Variants in TCF3 observed in about 807,000 individuals in gnomAD.
TCF3 encodes transcription factor E2-alpha.
A neutral mutation model predicts 72.3 loss-of-function variants in TCF3; 54 were observed. That is an observed-to-expected ratio of 0.75 (90% confidence interval 0.60 to 0.94). The LOEUF (loss-of-function observed/expected upper bound fraction) is 0.94, where lower values mean the gene tolerates loss of function less well. TCF3 is among the 40% of genes least tolerant of loss of function. The probability of loss-of-function intolerance (pLI) is 0.00; values close to 1 mark genes in which losing one functional copy is unlikely to be tolerated. For synonymous variants in TCF3, 525 were observed against 412.6 expected, an observed-to-expected ratio of 1.27 and a Z score of -3.30; for missense variants, 1,078 against 934.4, an observed-to-expected ratio of 1.15 and a Z score of -2.00.
At position 1,611,387 on chromosome 19, in the gene TCF3, G is replaced by C; in HGVS notation, c.*320C>G. On this transcript the variant is annotated 3_prime_UTR_variant, in exon 19 of 19. Transcript: ENST00000262965. ...TTTGTTTACTGGAAAAAAAAAAAAT[G>C]CTCCTGTCAGCCCAGGCAACAGGGC... 1 of 398,248 alleles carries C rather than the reference G, an allele frequency of 2.5e-6. No homozygotes were observed. 24.7% of individuals were successfully genotyped at this position (398,248 alleles called of 1,614,324 possible). A position where few individuals can be genotyped will look rare whatever the true frequency, so the allele number is the denominator to read the frequency against.
chr19:1,640,269 C>T (rs1332164033), intron 3 of TCF3, among the ~76,000 whole-genome samples: 1 of 152,148 alleles, frequency 6.6e-6, no homozygotes, highest in Non-Finnish European at 1.5e-5. Context: ...GGCTCGGTGG[C>T]TCATGCCTGT....
At chr19:1,648,964 G>A (rs995481789) in intron 2 of TCF3, among the ~76,000 whole-genome samples, 6 of 152,170 alleles carry the variant, frequency 3.9e-5, no homozygotes, top group East Asian at 1.9e-4. Flanking sequence ...TACAGCACCC[G>A]TCAGCGGCCG....
At chr19:1,620,884 G>T (rs190947326) in intron 13 of TCF3, 84 bp downstream of exon 13, 4 of 1,249,162 alleles carry the variant, frequency 3.2e-6, no homozygotes, top group African/African-American at 1.6e-5. Context: ...CCCCTCCCCC[G>T]CAAAGCCTTC....
chr19:1,611,592 C>A lies in TCF3; in HGVS notation c.*115G>T. ...TTGTCAGGTTGGTGTTGGCTCGATG[C>A]TGACAACAGGTGTGTGAGGTGTGGA... is the stretch of plus-strand genomic sequence containing the variant. On this transcript the variant is annotated 3_prime_UTR_variant, in exon 19 of 19. Transcript: ENST00000262965. The A allele has an allele frequency of 7.1e-7, 1 of 1,407,028 alleles. No homozygotes were observed. The highest frequency in any genetic ancestry group is 1.4e-5 in the South Asian group (1 of 70,154). The allele number at this position is 1,407,028 out of a possible 1,614,324, so 87.2% of individuals were successfully genotyped here.
intron 3 of TCF3, among the ~76,000 whole-genome samples, chr19:1,635,615 C>T (rs1412795451): frequency 6.6e-6 from 1 of 152,154 alleles, no homozygotes; most frequent in African/African-American, 2.4e-5. Context: ...TCATTTTACT[C>T]ATAAATAACT....
intron 3 of TCF3, among the ~76,000 whole-genome samples, chr19:1,638,637 C>CGATTTCACTT (rs1176523630): frequency 1.3e-5 from 2 of 152,164 alleles, no homozygotes; most frequent in African/African-American, 4.8e-5. Context: ...GGGGCAGATG[C>CGATTTCACTT]GATTTCACTT....
At chr19:1,646,480 A>G (rs909878656) in intron 2 of TCF3, 53 bp from the exon 3 acceptor site, 2 of 1,507,454 alleles carry the variant, frequency 1.3e-6, no homozygotes, top group African/African-American at 1.4e-5. Flanking sequence ...ACCAAACCCT[A>G]CAGTCCCGGG....
chr19:1,634,586 A>G (rs2145052984), intron 3 of TCF3, among the ~76,000 whole-genome samples: 1 of 152,344 alleles, frequency 6.6e-6, no homozygotes, highest in Admixed American at 6.5e-5. Context: ...GGCCATCCGT[A>G]GCCAAGGAAT....
At chr19:1,624,878 C>T (rs1053825163) in intron 7 of TCF3, among the ~76,000 whole-genome samples, 2 of 152,178 alleles carry the variant, frequency 1.3e-5, no homozygotes, top group Non-Finnish European at 2.9e-5. Context: ...CAGGGTCTTG[C>T]GCTGTTGCTC....
chr19:1,640,156 G>A (rs1337676811), intron 3 of TCF3, among the ~76,000 whole-genome samples: 3 of 152,012 alleles, frequency 2.0e-5, no homozygotes, highest in South Asian at 2.1e-4. Flanking sequence ...TCAAAGAGCC[G>A]AACGGGGCCA....
rs1211354037 is a variant in TCF3 at position 1,621,968 on chromosome 19, G to A, written c.825C>T (p.Gly275=). 1 of 1,605,210 alleles carries A rather than the reference G, an allele frequency of 6.2e-7. No homozygotes were observed. Among genetic ancestry groups the A allele is most frequent in the Non-Finnish European group, 8.5e-7 (1 of 1,176,250 alleles). The change falls in exon 11 of 19, where the codon GGC becomes GGT. Residue 275 remains glycine (G), a splice_region_variant and synonymous_variant. Transcript: ENST00000262965. ...FGGLHQHERM[G]YQLHGAEVNG... is the part of the protein sequence containing the mutation. ...TCACCTCTGCTCCATGCAGCTGGTA[G>A]CCCTGGGGGGTCAGGCAGGAGGAGG...
intron 8 of TCF3, among the ~76,000 whole-genome samples, chr19:1,622,868 G>A (rs553973056): frequency 1.3e-5 from 2 of 152,282 alleles, no homozygotes; most frequent in Admixed American, 6.5e-5. Context: ...AGGAAGAGGG[G>A]TCTGTGAGTA....
intron 4 of TCF3, 61 bp downstream of exon 4, chr19:1,632,271 C>A: frequency 3.2e-6 from 5 of 1,550,456 alleles, no homozygotes; most frequent in Non-Finnish European, 4.4e-6. Flanking sequence ...TTCCCCACAC[C>A]CCTCGCCCCC....
chr19:1,611,930 CGGG>C (rs529618842), intron 18 of TCF3, 81 bp from the exon 19 acceptor site: 4 of 173,870 alleles, frequency 2.3e-5, no homozygotes, highest in Admixed American at 1.4e-4. Flanking sequence ...GGTAGGATGT[CGGG>C]GGGGGGGGTG....
chr19:1,645,055 G>C (rs1241680373), intron 3 of TCF3, among the ~76,000 whole-genome samples: 1 of 152,108 alleles, frequency 6.6e-6, no homozygotes, highest in Non-Finnish European at 1.5e-5. Flanking sequence ...CTCACGTAGA[G>C]GGGAAGGCCA....
At position 1,632,343 on chromosome 19, in the gene TCF3, C is replaced by T. The variant is rs2063811058; in HGVS notation, c.208G>A (p.Asp70Asn). 1 of 1,588,748 alleles carries T rather than the reference C, an allele frequency of 6.3e-7. No individual in the cohort carries two copies. Among genetic ancestry groups the T allele is most frequent in the Non-Finnish European group, 8.6e-7 (1 of 1,167,764 alleles). ...GSGDQSSSSFDPSRTFSEGTH... is the reference protein window; with the variant it reads ...GSGDQSSSSFNPSRTFSEGTH... ...ACGGGGACTCCTACCCGGCTGGGGT[C>T]AAAGGAGGAGCTGCTCTGGTCGCCG... The change falls in exon 4 of 19, where the codon GAC (aspartate) becomes AAC (asparagine). Residue 70 changes from aspartate (D) to asparagine (N), a missense_variant. Asp to Asn is a conservative substitution (Grantham distance 23, BLOSUM62 1). Coordinates refer to ENST00000262965, the MANE Select transcript of TCF3 (RefSeq NM_003200.5).
At chr19:1,652,056 G>A (rs2067191669) in intron 1 of TCF3, among the ~76,000 whole-genome samples, 1 of 150,290 alleles carries the variant, frequency 6.7e-6, no homozygotes, top group Non-Finnish European at 1.5e-5. Context: ...GTTTCCCGAA[G>A]TGCCCGGCCC....
Position 1,627,400 on chromosome 19 carries a change from C to T in TCF3, c.325G>A (p.Ala109Thr), listed in dbSNP as rs538284851. The T allele has an allele frequency of 1.2e-6, 2 of 1,612,050 alleles. No homozygotes were observed. Among genetic ancestry groups the T allele is most frequent in the Admixed American group, 3.3e-5 (2 of 59,968 alleles). The change falls in exon 6 of 19, where the codon GCC becomes ACC. Residue 109 changes from alanine (A) to threonine (T), a missense_variant. Ala to Thr is a moderately conservative substitution (Grantham distance 58). Coordinates refer to ENST00000262965, the MANE Select transcript of TCF3 (RefSeq NM_003200.5). ...GGKSGERGAY[A>T]SFGRDAGVGG... ...ACGCCTGCGTCTCTCCCGAAGGAGGCATAGGCGCCCCGCTCACCGCTCTTG... is the reference window on the plus strand; with the variant it reads ...ACGCCTGCGTCTCTCCCGAAGGAGGTATAGGCGCCCCGCTCACCGCTCTTG...
intron 13 of TCF3, among the ~76,000 whole-genome samples, 154 bp downstream of exon 13, chr19:1,620,814 C>T (rs1162125725): frequency 1.3e-5 from 2 of 152,170 alleles, no homozygotes; most frequent in East Asian, 1.9e-4. Flanking sequence ...CCTTGGGGGC[C>T]ATCTGCTCCC....
Sources: allele counts gnomAD v4.1 joint callset (sites outside exome capture counted in the v4.1 genomes callset), GRCh38; gene constraint gnomAD v4.1.1; transcripts MANE v1.5; gene names NCBI Gene and HGNC (gene_info 2026-07-23, HGNC 2026-07-21).